The following CDON variants were observed in gnomAD, a reference collection of about 807,000 sequenced individuals.
CDON encodes cell adhesion molecule-related/down-regulated by oncogenes.
In CDON, 73 loss-of-function variants were observed where a neutral mutation model predicts 120.9. That is an observed-to-expected ratio of 0.60 (90% CI 0.50 to 0.73). The LOEUF is 0.73. CDON is among the 30% of genes least tolerant of loss of function. The pLI, the probability that CDON is intolerant of heterozygous loss-of-function variation, is 0.00. For missense variants in CDON, 1,470 were observed against 1,587.3 expected, an observed-to-expected ratio of 0.93 and a Z score of 1.26; for synonymous variants, 566 against 573.5, an observed-to-expected ratio of 0.99 and a Z score of 0.19.
At chr11:126,043,493 C>G (rs1948322013) in intron 1 of CDON, among the ~76,000 whole-genome samples, 1 of 152,116 alleles carries the variant, frequency 6.6e-6, no homozygotes, top group Non-Finnish European at 1.5e-5. Flanking sequence ...GTTCAAAATG[C>G]CCAGAACCTG....
At chr11:126,003,805 G>A in intron 10 of CDON, 97 bp downstream of exon 10, 1 of 1,130,678 alleles carries the variant, frequency 8.8e-7, no homozygotes, top group Non-Finnish European at 1.3e-6. Flanking sequence ...GCGTGACAGA[G>A]CAAGACTCCA....
intron 1 of CDON, among the ~76,000 whole-genome samples, chr11:126,036,204 C>T (rs2134791988): frequency 6.6e-6 from 1 of 152,310 alleles, no homozygotes; most frequent in East Asian, 1.9e-4. Context: ...ATGTATAAAG[C>T]AGGCATGAAT....
intron 14 of CDON, 127 bp from the exon 15 acceptor site, chr11:125,989,886 A>G: frequency 1.2e-6 from 1 of 801,942 alleles, no homozygotes; most frequent in Non-Finnish European, 2.0e-6. Context: ...GTGCAATAAA[A>G]ATGTACTTAA....
rs1365203767 is a variant in CDON, at chr11:126,001,923, G to A, written c.2027-73C>T. The A allele has an allele frequency of 1.6e-5, 17 of 1,080,008 alleles. No homozygotes were observed. In the East Asian group the frequency reaches 3.8e-4, roughly 24 times the overall value. The allele number at this position is 1,080,008 out of a possible 1,614,324, so 66.9% of individuals were successfully genotyped here. On this transcript the variant is annotated intron_variant, in intron 10 of 19. Coordinates refer to ENST00000531738, the MANE Select transcript of CDON (RefSeq NM_001378964.1). ...TAAAGTGGAAAAAAAAGAGTACTGT[G>A]AAACTTACCTGGTATGTGGTTATAA...
chr11:125,995,131 C>A lies in CDON; in HGVS notation c.2363-79G>T, dbSNP rs1373373278. On this transcript the variant is annotated intron_variant, in intron 12 of 19. Coordinates refer to ENST00000531738, the MANE Select transcript of CDON (RefSeq NM_001378964.1). ...AAAGCTATAATAAGACAACTAAAGG[C>A]AGAATAGTCAAAATATGGCAATTGT... 6 of 1,224,570 alleles carry A rather than the reference C, an allele frequency of 4.9e-6. No individual in the cohort carries two copies. In the East Asian group the frequency reaches 1.4e-4, roughly 29 times the overall value. The allele number at this position is 1,224,570 out of a possible 1,614,324, so 75.9% of individuals were successfully genotyped here. A position where few individuals can be genotyped will look rare whatever the true frequency, so the allele number is the denominator to read the frequency against.
At chr11:125,967,887 T>G (rs1404117228) in intron 18 of CDON, among the ~76,000 whole-genome samples, 2 of 152,056 alleles carry the variant, frequency 1.3e-5, no homozygotes, top group African/African-American at 2.4e-5. Flanking sequence ...CCTGAAAAAT[T>G]TTTAAATTTT....
intron 18 of CDON, among the ~76,000 whole-genome samples, chr11:125,972,781 A>G (rs1946038894): frequency 1.3e-5 from 2 of 152,180 alleles, no homozygotes; most frequent in Admixed American, 6.5e-5. Context: ...CAGAGCAGGT[A>G]AGAGTCCGTA....
intron 1 of CDON, among the ~76,000 whole-genome samples, chr11:126,061,587 T>G (rs1033751785): frequency 5.3e-5 from 8 of 152,226 alleles, no homozygotes; most frequent in African/African-American, 1.9e-4. Context: ...AGTTGGGAAT[T>G]TGAGGGTTAT....
intron 12 of CDON, among the ~76,000 whole-genome samples, chr11:125,995,273 C>T (rs1946748987): frequency 1.3e-5 from 2 of 152,074 alleles, no homozygotes; most frequent in South Asian, 4.2e-4. Context: ...TTCAAGATCC[C>T]AAGACCTTCT....
At position 125,989,721 on chromosome 11, in the gene CDON, C is replaced by G; in HGVS notation, c.2689G>C (p.Glu897Gln). The G allele has an allele frequency of 6.2e-7, 1 of 1,613,292 alleles. No homozygotes were observed. Among genetic ancestry groups the G allele is most frequent in the South Asian group, 1.1e-5 (1 of 91,074 alleles). The change falls in exon 15 of 20, where the codon GAA becomes CAA. Residue 897 changes from glutamate to glutamine, a missense_variant. Transcript: ENST00000531738. ...TGCATTTTAATGTCATAGGAGGTTT[C>G]TGGCTGCAGGTGGCCAATCATGTGC... ...QWHMIGHLQPETSYDIKMQCF... is the reference protein window; with the variant it reads ...QWHMIGHLQPQTSYDIKMQCF...
chr11:126,034,570 C>A lies in CDON; in HGVS notation c.-61-11033G>T, dbSNP rs1488913897. Among the ~76,000 whole-genome samples the A allele has an allele frequency of 6.6e-6, 1 of 152,186 alleles. No individual in the cohort carries two copies. Among genetic ancestry groups the A allele is most frequent in the Admixed American group, 6.5e-5 (1 of 15,280 alleles). ...AAAAGTCAAGTGTTCCTGTTCCACT[C>A]TCTTTCTAAGAGACTATTTCTTCCT... On this transcript the variant is annotated intron_variant, in intron 1 of 19. Transcript: ENST00000531738. The surrounding 1 kb of genome is among the most constrained non-coding windows in gnomAD (Gnocchi z 4.5).
At chr11:126,005,565 A>G in intron 9 of CDON, 194 bp downstream of exon 9, 2 of 615,186 alleles carry the variant, frequency 3.3e-6, no homozygotes, top group East Asian at 2.8e-5. Context: ...ATTTGGGGGG[A>G]AATTATACTT....
In CDON at chr11:126,060,920, T is replaced by A. The variant is rs1948780681; in HGVS notation, c.-62+1659A>T. On this transcript the variant is annotated intron_variant, in intron 1 of 19. Coordinates refer to ENST00000531738, the MANE Select transcript of CDON (RefSeq NM_001378964.1). Reference sequence around the variant, plus strand: ...AGATCAGTATCCAAGTCCTAAGGGTTCTTTGTACTTGAAGGCTTGAGAGTC... The same window carrying A: ...AGATCAGTATCCAAGTCCTAAGGGTACTTTGTACTTGAAGGCTTGAGAGTC... 2.0e-5 allele frequency among the ~76,000 whole-genome samples: 3 copies of A among 152,334 alleles called. No individual in the cohort carries two copies. In the South Asian group the frequency reaches 6.2e-4, roughly 32 times the overall value.
Position 125,957,038 on chromosome 11 carries a change from G to A in CDON, c.*3904C>T, listed in dbSNP as rs1159474409. 5.2e-6 allele frequency: 1 copy of A among 190,612 alleles called. No homozygotes were observed. The highest frequency in any genetic ancestry group is 9.7e-6 in the Non-Finnish European group (1 of 103,284). 11.8% of individuals were successfully genotyped at this position (190,612 alleles called of 1,614,324 possible). On this transcript the variant is annotated 3_prime_UTR_variant, in exon 20 of 20. Transcript: ENST00000531738. ...CAGTAAAACAAAACGTTTTCACAAGGAGGCTAAATTTCTATCCTGAAGTTC... is the reference window on the plus strand; with the variant it reads ...CAGTAAAACAAAACGTTTTCACAAGAAGGCTAAATTTCTATCCTGAAGTTC...
In CDON at chr11:125,956,831, A is replaced by G; in HGVS notation, c.*4111T>C. On this transcript the variant is annotated 3_prime_UTR_variant, in exon 20 of 20. Coordinates refer to ENST00000531738, the MANE Select transcript of CDON (RefSeq NM_001378964.1). ...AGCTTAAGAAGATTCTGTGGTTCTC[A>G]CAGAGTTAGACTTTATTAGATAAGG... 1 of 987,528 alleles carries G rather than the reference A, an allele frequency of 1.0e-6. No homozygotes were observed. 61.2% of individuals were successfully genotyped at this position (987,528 alleles called of 1,614,324 possible).
intron 19 of CDON, among the ~76,000 whole-genome samples, 183 bp from the exon 20 acceptor site, chr11:125,961,288 A>G (rs1357983747): frequency 2.0e-5 from 3 of 152,204 alleles, no homozygotes; most frequent in Non-Finnish European, 4.4e-5. Context: ...AATAAAGTTG[A>G]GCTCTCATGA....
chr11:126,032,710 T>A (rs1358174532), intron 1 of CDON, among the ~76,000 whole-genome samples: 6 of 152,112 alleles, frequency 3.9e-5, no homozygotes, highest in Non-Finnish European at 7.4e-5. Flanking sequence ...ACGGTCATAT[T>A]TAAAAGACGT....
At chr11:126,051,830 G>A (rs187568334) in intron 1 of CDON, among the ~76,000 whole-genome samples, 26 of 151,562 alleles carry the variant, frequency 1.7e-4, no homozygotes, top group African/African-American at 5.8e-4. Flanking sequence ...TGTATTTTTA[G>A]TAGAGACAGG....
At chr11:126,051,997 A>G (rs1374359552) in intron 1 of CDON, among the ~76,000 whole-genome samples, 4 of 152,156 alleles carry the variant, frequency 2.6e-5, no homozygotes, top group Non-Finnish European at 1.5e-5. Context: ...GAAATAACAC[A>G]TAACATCAAT....
Sources: allele counts gnomAD v4.1 joint callset (sites outside exome capture counted in the v4.1 genomes callset), GRCh38; gene constraint gnomAD v4.1.1; non-coding constraint Gnocchi (gnomAD v3.1); transcripts MANE v1.5; gene names NCBI Gene and HGNC (gene_info 2026-07-23, HGNC 2026-07-21).